EEIG1: variants seen among roughly 807,000 people sequenced by gnomAD.
EEIG1 encodes estrogen-induced osteoclastogenesis regulator 1.
At chr9:127,974,907 G>C in the EEIG1 span, among the ~76,000 whole-genome samples, 1 of 152,208 alleles carries the variant, frequency 6.6e-6, no homozygotes, top group African/African-American at 2.4e-5. Flanking sequence ...CTCTGTGAAG[G>C]AAAGTGGGTG....
the EEIG1 span, chr9:127,940,592 C>T: frequency 3.9e-5 from 6 of 152,136 alleles, no homozygotes; most frequent in African/African-American, 1.4e-4. Context: ...GAAACAAAAA[C>T]CGAAACATTT....
the EEIG1 span, among the ~76,000 whole-genome samples, chr9:127,955,611 G>A: frequency 6.6e-6 from 1 of 152,216 alleles, no homozygotes; most frequent in African/African-American, 2.4e-5. Flanking sequence ...AGGAGAGGGC[G>A]GGGGAACAGA....
the EEIG1 span, among the ~76,000 whole-genome samples, chr9:127,971,041 G>A: frequency 6.6e-6 from 1 of 152,204 alleles, no homozygotes; most frequent in Non-Finnish European, 1.5e-5. Context: ...GGGGGAGCAG[G>A]GAGCCACAGG....
chr9:127,944,567 C>T, the EEIG1 span: 3 of 1,364,064 alleles, frequency 2.2e-6, no homozygotes, highest in Non-Finnish European at 3.1e-6. Context: ...TCTGCTCTCA[C>T]CCCCAAGCCC....
At chr9:127,945,758 A>G in the EEIG1 span, 1 of 1,552,452 alleles carries the variant, frequency 6.4e-7, no homozygotes, top group East Asian at 2.4e-5. The surrounding 1 kb of genome is among the most constrained non-coding windows in gnomAD (Gnocchi z 6.5). Context: ...GCAGCCCTGG[A>G]AGGCAGGAAG....
chr9:127,944,405 G>A, the EEIG1 span: 52 of 602,834 alleles, frequency 8.6e-5, no homozygotes, highest in South Asian at 5.9e-5. Context: ...GAACCTGTCC[G>A]TGCCCTCACT....
chr9:127,979,413 G>A, the EEIG1 span, among the ~76,000 whole-genome samples: 1 of 152,348 alleles, frequency 6.6e-6, no homozygotes, highest in East Asian at 1.9e-4. Context: ...ACTCAACGGA[G>A]CCTCTTTCAG....
At chr9:127,942,028 T>G in the EEIG1 span, 1 of 152,670 alleles carries the variant, frequency 6.6e-6, no homozygotes, top group African/African-American at 2.4e-5. Flanking sequence ...GAGCAGAGGC[T>G]TTAGTAGGGG....
chr9:127,943,237 C>A, the EEIG1 span: 1 of 1,614,136 alleles, frequency 6.2e-7, no homozygotes, highest in South Asian at 1.1e-5. Flanking sequence ...CAGAAGAGAC[C>A]CTGCAGGTGA....
chr9:127,959,687 T>C, the EEIG1 span, among the ~76,000 whole-genome samples: 1 of 152,250 alleles, frequency 6.6e-6, no homozygotes, highest in Non-Finnish European at 1.5e-5. Context: ...TTCTGTCTCC[T>C]GCTGCCATGT....
At chr9:127,975,134 G>C in the EEIG1 span, among the ~76,000 whole-genome samples, 1 of 152,226 alleles carries the variant, frequency 6.6e-6, no homozygotes, top group South Asian at 2.1e-4. Flanking sequence ...GGCCACAAGT[G>C]TGTGGAGTGT....
chr9:127,971,962 C>G, the EEIG1 span, among the ~76,000 whole-genome samples: 1 of 152,288 alleles, frequency 6.6e-6, no homozygotes, highest in Admixed American at 6.5e-5. Flanking sequence ...CGAGGCCAGC[C>G]TGATGCCGGG....
chr9:127,948,257 C>A, the EEIG1 span: 4 of 1,613,010 alleles, frequency 2.5e-6, no homozygotes, highest in Middle Eastern at 1.7e-4. Flanking sequence ...GACTAGGGTG[C>A]CCTGCTTCAG....
the EEIG1 span, among the ~76,000 whole-genome samples, chr9:127,965,780 C>G: frequency 6.6e-6 from 1 of 152,378 alleles, no homozygotes; most frequent in South Asian, 2.1e-4. Context: ...AATACAGCCG[C>G]CTGGGAGGAG....
At chr9:127,950,792 G>T in the EEIG1 span, 5 of 1,009,924 alleles carry the variant, frequency 5.0e-6, no homozygotes, top group Non-Finnish European at 6.6e-6. Context: ...ACGTCCCGGC[G>T]TGCACCGGGG....
the EEIG1 span, among the ~76,000 whole-genome samples, chr9:127,949,317 A>C: frequency 2.7e-5 from 4 of 150,634 alleles, no homozygotes; most frequent in South Asian, 8.4e-4. Flanking sequence ...GTCTCAAAAA[A>C]AAAAAAAAAA....
At chr9:127,967,963 A>G in the EEIG1 span, among the ~76,000 whole-genome samples, 5 of 141,134 alleles carry the variant, frequency 3.5e-5, no homozygotes, top group African/African-American at 1.3e-4. Flanking sequence ...ATAGATCAGG[A>G]TATTTCCCCA....
chr9:127,962,430 T>C, the EEIG1 span, among the ~76,000 whole-genome samples: 2 of 152,140 alleles, frequency 1.3e-5, no homozygotes, highest in Non-Finnish European at 2.9e-5. Flanking sequence ...TCCCCGGCAG[T>C]CCTGGGGACT....
the EEIG1 span, among the ~76,000 whole-genome samples, chr9:127,973,832 G>C: frequency 2.6e-5 from 4 of 152,160 alleles, no homozygotes; most frequent in Non-Finnish European, 5.9e-5. The surrounding 1 kb of genome is among the most constrained non-coding windows in gnomAD (Gnocchi z 4.2). Flanking sequence ...GCACCCAGGG[G>C]ACCAGGCTGG....
Sources: gnomAD v4.1 joint callset for allele counts (sites outside exome capture counted in the v4.1 genomes callset) on GRCh38, gnomAD v4.1.1 for gene constraint, Gnocchi (gnomAD v3.1) non-coding constraint, MANE v1.5 for transcripts, NCBI Gene and HGNC (gene_info 2026-07-23, HGNC 2026-07-21) for gene names.